Variants in ANKS1B observed in about 807,000 individuals in gnomAD.
ANKS1B encodes ankyrin repeat and sterile alpha motif domain containing 1B.
ANKS1B carries 36 observed loss-of-function variants against 148.3 expected under a neutral mutation model. The observed-to-expected ratio is 0.24, with a 90% CI of 0.19 to 0.32. The LOEUF (loss-of-function observed/expected upper bound fraction) is 0.32, where lower values mean the gene tolerates loss of function less well. Among genes scored for constraint, ANKS1B ranks in the 10% least tolerant of loss-of-function variants. The probability of loss-of-function intolerance (pLI) is 1.00; values close to 1 mark genes in which losing one functional copy is unlikely to be tolerated. For missense variants in ANKS1B, 1,157 were observed against 1,542.6 expected (o/e 0.75, Z 4.19); for synonymous variants, 542 against 560.8 (o/e 0.97, Z 0.47).
intron 9 of ANKS1B, among the ~76,000 whole-genome samples, chr12:99,536,580 A>G (rs1201329802): frequency 1.3e-5 from 2 of 152,198 alleles, no homozygotes; most frequent in Non-Finnish European, 2.9e-5. Flanking sequence ...AGTTGTTGCT[A>G]TTAGACCTAC....
chr12:99,058,105 T>C (rs897803657), intron 16 of ANKS1B, among the ~76,000 whole-genome samples: 11 of 152,188 alleles, frequency 7.2e-5, no homozygotes, highest in African/African-American at 2.7e-4. Flanking sequence ...TCAGACCTTT[T>C]AGTTTATGAA....
chr12:98,916,535 T>A (rs1171376951), intron 17 of ANKS1B, among the ~76,000 whole-genome samples: 1 of 152,224 alleles, frequency 6.6e-6, no homozygotes, highest in Non-Finnish European at 1.5e-5. Context: ...AACAGACAGG[T>A]TAGGAACAAT....
At chr12:99,737,406 CT>C (rs2059710892) in intron 8 of ANKS1B, among the ~76,000 whole-genome samples, 1 of 151,978 alleles carries the variant, frequency 6.6e-6, no homozygotes, top group African/African-American at 2.4e-5. Flanking sequence ...ACTAGAAATC[CT>C]TATGTTAAGT....
In ANKS1B at chr12:98,832,035, G is replaced by C; in HGVS notation, c.2880C>G (p.Thr960=). Residue 960 remains threonine (T), a synonymous_variant, in exon 18 of 27, where the codon ACC becomes ACG. Coordinates refer to ENST00000683438, the MANE Select transcript of ANKS1B (RefSeq NM_001352186.2). ...DPPQKPPRSI[T]LREPSGNHTP... ...GAATGTGCTTGGCACTTACCCTGAG[G>C]GTGATGGACCGAGGGGGCTTCTGTG... 1 of 1,588,998 alleles carries C rather than the reference G, an allele frequency of 6.3e-7. No individual in the cohort carries two copies. The highest frequency in any genetic ancestry group is 8.6e-7 in the Non-Finnish European group (1 of 1,167,114).
At chr12:99,506,045 TGA>T in intron 9 of ANKS1B, among the ~76,000 whole-genome samples, 1 of 152,016 alleles carries the variant, frequency 6.6e-6, no homozygotes, top group Non-Finnish European at 1.5e-5. Context: ...CTCAGCATCA[TGA>T]GAGAGTTATC....
intron 17 of ANKS1B, among the ~76,000 whole-genome samples, chr12:98,938,693 C>A (rs2099827044): frequency 6.6e-6 from 1 of 152,208 alleles, no homozygotes; most frequent in South Asian, 2.1e-4. Context: ...TACTAAGTCA[C>A]TTCGATGAAA....
chr12:99,759,098 T>A (rs4132669), intron 8 of ANKS1B, among the ~76,000 whole-genome samples: 4 of 151,564 alleles, frequency 2.6e-5, no homozygotes, highest in Non-Finnish European at 5.9e-5. Flanking sequence ...TTCCCTTGAC[T>A]AAGCATTCTT....
chr12:99,852,043 C>T (rs2087959049), intron 1 of ANKS1B, among the ~76,000 whole-genome samples: 1 of 152,174 alleles, frequency 6.6e-6, no homozygotes, highest in Non-Finnish European at 1.5e-5. Flanking sequence ...ACAGTCCCTG[C>T]TCTCAGAAAG....
intron 8 of ANKS1B, among the ~76,000 whole-genome samples, chr12:99,660,234 T>A (rs1353488728): frequency 6.6e-6 from 1 of 152,192 alleles, no homozygotes; most frequent in Non-Finnish European, 1.5e-5. Context: ...GGTCCCACAT[T>A]CAGTGGGTGT....
At chr12:99,577,762 G>A (rs2097532644) in intron 9 of ANKS1B, among the ~76,000 whole-genome samples, 1 of 151,890 alleles carries the variant, frequency 6.6e-6, no homozygotes, top group Admixed American at 6.6e-5. Context: ...AAAAAGCCCT[G>A]GACCAGATGG....
At chr12:99,028,627 A>G (rs1478130713) in intron 17 of ANKS1B, among the ~76,000 whole-genome samples, 1 of 152,154 alleles carries the variant, frequency 6.6e-6, no homozygotes, top group Non-Finnish European at 1.5e-5. Flanking sequence ...CCCTTCCTGA[A>G]TTTCAGGATA....
chr12:98,802,594 CTTTTTTTTTTTTTTTTT>C lies in ANKS1B; in HGVS notation c.3142-1486_3142-1470del, dbSNP rs397850118. ...CTAGAGGACTTCAGTAATGCACAGG[CTTTTTTTTTTTTTTTTT>C]TTTTTTTTTTTTTTTTTTTTAGCAG... On this transcript the variant is annotated intron_variant, in intron 20 of 26. Transcript: ENST00000683438. Among the ~76,000 whole-genome samples the C allele has an allele frequency of 1.6e-3, 56 of 34,788 alleles. 2 individuals carry two copies. The South Asian group carries it at 0.031, about 19-fold the overall frequency. The allele number at this position is 34,788 out of a possible 152,430, so 22.8% of individuals were successfully genotyped here.
At chr12:99,800,325 G>A (rs548422767) in intron 4 of ANKS1B, among the ~76,000 whole-genome samples, 2 of 151,740 alleles carry the variant, frequency 1.3e-5, no homozygotes, top group Non-Finnish European at 1.5e-5. Context: ...GGAATTGGCC[G>A]GAACTTGATC....
intron 12 of ANKS1B, 111 bp from the exon 13 acceptor site, chr12:99,246,975 C>T: frequency 1.2e-6 from 1 of 802,606 alleles, no homozygotes; most frequent in Non-Finnish European, 2.0e-6. Context: ...TTTACTGCTA[C>T]ATAGCAATAC....
chr12:99,789,942 TTTATTCAAAGTGATAATA>T (rs2065449147), intron 4 of ANKS1B, among the ~76,000 whole-genome samples: 1 of 151,906 alleles, frequency 6.6e-6, no homozygotes, highest in South Asian at 2.1e-4. Flanking sequence ...GGGTAGAAGG[TTTATTCAAAGTGATAATA>T]TTGGAGAACT....
intron 16 of ANKS1B, among the ~76,000 whole-genome samples, chr12:99,067,858 T>C (rs1179095546): frequency 6.7e-6 from 1 of 148,390 alleles, no homozygotes; most frequent in Non-Finnish European, 1.5e-5. Flanking sequence ...TCATAGTCTG[T>C]TGTATGTGCG....
chr12:99,116,033 A>C (rs894713058), intron 15 of ANKS1B, among the ~76,000 whole-genome samples: 1 of 151,822 alleles, frequency 6.6e-6, no homozygotes. Context: ...TAGATTACTT[A>C]ATCTCTCTGT....
intron 14 of ANKS1B, among the ~76,000 whole-genome samples, chr12:99,200,270 T>G (rs1314962687): frequency 6.6e-6 from 1 of 152,206 alleles, no homozygotes; most frequent in Non-Finnish European, 1.5e-5. Context: ...GATAAAATAT[T>G]TATGATTTTG....
At chr12:99,507,181 T>C (rs2096720194) in intron 9 of ANKS1B, among the ~76,000 whole-genome samples, 1 of 151,910 alleles carries the variant, frequency 6.6e-6, no homozygotes, top group Admixed American at 6.6e-5. Flanking sequence ...AAAACTGAGA[T>C]TACAACGATA....
Sources: gnomAD v4.1 joint callset for allele counts (sites outside exome capture counted in the v4.1 genomes callset) on GRCh38, gnomAD v4.1.1 for gene constraint, MANE v1.5 for transcripts, NCBI Gene and HGNC (gene_info 2026-07-23, HGNC 2026-07-21) for gene names.